OSBPL8: variants seen among roughly 807,000 people sequenced by gnomAD.
OSBPL8 encodes the protein oxysterol binding protein like 8, also known as oxysterol-binding protein-related protein 8.
OSBPL8 carries 59 observed loss-of-function variants against 125.5 expected under a neutral mutation model. The ratio of observed to expected loss-of-function variants is 0.47; its 90% CI spans 0.38 to 0.58. The LOEUF is 0.58. Ranked by LOEUF, OSBPL8 falls within the 20% of genes least tolerant of loss-of-function variation. OSBPL8 has a pLI of 0.00. For synonymous variants in OSBPL8, 330 were observed against 338.9 expected, an observed-to-expected ratio of 0.97 and a Z score of 0.29; for missense variants, 758 against 1,047.8, an observed-to-expected ratio of 0.72 and a Z score of 3.82.
chr12:76,511,412 G>A (rs914147818), intron 1 of OSBPL8, among the ~76,000 whole-genome samples: 7 of 152,034 alleles, frequency 4.6e-5, no homozygotes, highest in Non-Finnish European at 8.8e-5. Flanking sequence ...GTTATTTTTT[G>A]ACTTTTTAAT....
intron 4 of OSBPL8, among the ~76,000 whole-genome samples, chr12:76,450,303 G>A (rs1873228198): frequency 6.6e-6 from 1 of 152,128 alleles, no homozygotes; most frequent in South Asian, 2.1e-4. Context: ...ACAGTGCCAA[G>A]GTTGAGAAGT....
At chr12:76,436,302 T>A (rs572339895) in intron 4 of OSBPL8, among the ~76,000 whole-genome samples, 1 of 152,282 alleles carries the variant, frequency 6.6e-6, no homozygotes, top group East Asian at 1.9e-4. Flanking sequence ...CTCTTTTGGA[T>A]CCATGGTTGT....
chr12:76,512,702 T>C (rs374081568), intron 1 of OSBPL8, among the ~76,000 whole-genome samples: 2 of 152,210 alleles, frequency 1.3e-5, no homozygotes, highest in East Asian at 3.8e-4. Context: ...TTAAAATAGT[T>C]TTTTTCTAGT....
At chr12:76,505,771 T>C (rs1447279399) in intron 1 of OSBPL8, among the ~76,000 whole-genome samples, 2 of 152,062 alleles carry the variant, frequency 1.3e-5, no homozygotes, top group Non-Finnish European at 1.5e-5. Context: ...AAGAGACTAC[T>C]GTGGCAAGTG....
At chr12:76,477,569 C>A (rs1021748491) in intron 2 of OSBPL8, among the ~76,000 whole-genome samples, 2 of 151,968 alleles carry the variant, frequency 1.3e-5, no homozygotes, top group Non-Finnish European at 2.9e-5. Context: ...GTCTGACACA[C>A]GGTCATAATC....
rs778309276 is a variant in OSBPL8 at position 76,369,297 on chromosome 12, G to A, written c.2245C>T (p.Arg749Ter). 7 of 1,592,718 alleles carry A rather than the reference G, an allele frequency of 4.4e-6. No individual in the cohort carries two copies. The highest frequency in any genetic ancestry group is 2.3e-5 in the East Asian group (1 of 43,718). ...ATATCATTAAGTGGGTCCCATGGTC[G>A]GGTACTACATAAATGAAAAAAAAAA... ...GEWHYKFADT[R>*]PWDPLNDMIQ... The change falls in exon 21 of 24, where the codon CGA becomes TGA. Residue 749 changes from arginine to a stop codon, truncating the protein, a stop_gained. Coordinates refer to ENST00000261183, the MANE Select transcript of OSBPL8 (RefSeq NM_020841.5). LOFTEE classifies it high-confidence loss of function.
intron 1 of OSBPL8, among the ~76,000 whole-genome samples, chr12:76,528,658 G>A (rs546059405): frequency 2.6e-4 from 40 of 151,848 alleles, no homozygotes; most frequent in African/African-American, 9.2e-4. Context: ...AGAAGATAAG[G>A]AAGTGTAACA....
intron 1 of OSBPL8, among the ~76,000 whole-genome samples, chr12:76,553,458 G>C (rs1337128880): frequency 6.7e-6 from 1 of 148,858 alleles, no homozygotes; most frequent in Non-Finnish European, 1.5e-5. Context: ...GAGGCTAGGG[G>C]TTCAAGACCA....
chr12:76,371,763 C>G, intron 18 of OSBPL8, 179 bp from the exon 19 acceptor site: 1 of 527,736 alleles, frequency 1.9e-6, no homozygotes, highest in African/African-American at 1.9e-5. Flanking sequence ...TTTATAAAAA[C>G]ATTAAGATTG....
At chr12:76,405,367 G>C (rs1954213543) in intron 5 of OSBPL8, among the ~76,000 whole-genome samples, 1 of 152,114 alleles carries the variant, frequency 6.6e-6, no homozygotes, top group Non-Finnish European at 1.5e-5. Context: ...GTTGAGACAG[G>C]AGAATCACCC....
intron 4 of OSBPL8, among the ~76,000 whole-genome samples, chr12:76,437,751 C>T (rs1373692951): frequency 6.6e-6 from 1 of 152,124 alleles, no homozygotes; most frequent in Non-Finnish European, 1.5e-5. Context: ...AGTGATGTCA[C>T]ACTGGAAAAA....
chr12:76,482,912 A>G (rs2136997317), intron 2 of OSBPL8, among the ~76,000 whole-genome samples: 1 of 152,342 alleles, frequency 6.6e-6, no homozygotes, highest in South Asian at 2.1e-4. Context: ...CAGCACTACC[A>G]GAAAAATAGA....
intron 1 of OSBPL8, among the ~76,000 whole-genome samples, chr12:76,500,076 T>A (rs1879745173): frequency 6.6e-6 from 1 of 152,232 alleles, no homozygotes; most frequent in South Asian, 2.1e-4. Flanking sequence ...CCTAGTTTTA[T>A]AATCTAATGC....
intron 1 of OSBPL8, among the ~76,000 whole-genome samples, chr12:76,508,745 T>A (rs1178574987): frequency 6.6e-6 from 1 of 152,188 alleles, no homozygotes; most frequent in East Asian, 1.9e-4. Context: ...AAAGATACTC[T>A]CACCAGCGCC....
At chr12:76,411,997 C>T (rs200141612) in intron 4 of OSBPL8, among the ~76,000 whole-genome samples, 25 of 152,164 alleles carry the variant, frequency 1.6e-4, no homozygotes, top group East Asian at 5.8e-4. Flanking sequence ...ACATTCTACA[C>T]GGAGGAATTC....
chr12:76,482,518 CAGG>C (rs1410196710), intron 2 of OSBPL8, among the ~76,000 whole-genome samples: 1 of 151,914 alleles, frequency 6.6e-6, no homozygotes, highest in Non-Finnish European at 1.5e-5. Context: ...GAGGCTGGGG[CAGG>C]AGAATTGCTT....
chr12:76,453,639 A>G (rs1488414074), intron 3 of OSBPL8, among the ~76,000 whole-genome samples: 1 of 152,190 alleles, frequency 6.6e-6, no homozygotes, highest in East Asian at 1.9e-4. Flanking sequence ...GAATAAGAGA[A>G]TATCTTCATA....
Position 76,353,397 on chromosome 12 carries a change from T to C in OSBPL8, c.*2492A>G, listed in dbSNP as rs938769640. On this transcript the variant is annotated 3_prime_UTR_variant, in exon 24 of 24. Coordinates refer to ENST00000261183, the MANE Select transcript of OSBPL8 (RefSeq NM_020841.5). ...TTAACAGCTAAAAAGAAAATGCACA[T>C]GTGAATAATTATTACTCAATTAAAT... 2 of 151,166 alleles carry C rather than the reference T, an allele frequency of 1.3e-5. No individual in the cohort carries two copies. Among genetic ancestry groups the C allele is most frequent in the Non-Finnish European group, 3.0e-5 (2 of 67,670 alleles). 9.4% of individuals were successfully genotyped at this position (151,166 alleles called of 1,614,324 possible).
At chr12:76,415,234 C>CTT (rs1038307800) in intron 4 of OSBPL8, among the ~76,000 whole-genome samples, 1 of 146,708 alleles carries the variant, frequency 6.8e-6, no homozygotes. Flanking sequence ...TTCTGTTTTT[C>CTT]TTTTTTTTTT....
Sources: gnomAD v4.1 joint callset for allele counts (sites outside exome capture counted in the v4.1 genomes callset) on GRCh38, gnomAD v4.1.1 for gene constraint, MANE v1.5 for transcripts, NCBI Gene and HGNC (gene_info 2026-07-23, HGNC 2026-07-21) for gene names.